The following DAB1 variants were observed in gnomAD, a reference collection of about 807,000 sequenced individuals.
DAB1 encodes the protein DAB adaptor protein 1.
In DAB1, 15 loss-of-function variants were observed where a neutral mutation model predicts 64.6. That is an observed-to-expected ratio of 0.23 (90% CI 0.16 to 0.36). The LOEUF (loss-of-function observed/expected upper bound fraction) is 0.36. Ranked by LOEUF, DAB1 falls within the 10% of genes least tolerant of loss-of-function variation. The pLI, the probability that DAB1 is intolerant of heterozygous loss-of-function variation, is 1.00. For missense variants in DAB1, 596 were observed against 706.7 expected, an observed-to-expected ratio of 0.84 and a Z score of 1.78; for synonymous variants, 235 against 251.9, an observed-to-expected ratio of 0.93 and a Z score of 0.64.
chr1:57,121,139 A>AAGT (rs1184654362), intron 4 of DAB1, among the ~76,000 whole-genome samples: 1 of 78,418 alleles, frequency 1.3e-5, no homozygotes, highest in Non-Finnish European at 2.8e-5. Context: ...AGAGAAGAAG[A>AAGT]AGGAGGAGGA....
At position 57,257,875 on chromosome 1, in the gene DAB1, C is replaced by G. The variant is rs1669884320; in HGVS notation, c.67+33089G>C. On this transcript the variant is annotated intron_variant, in intron 2 of 14. Coordinates refer to ENST00000371236, the MANE Select transcript of DAB1 (RefSeq NM_001365792.1). ...CCTTCCTCCTCTGTGTCAAATCTCC[C>G]TCAGCCATCCTCTTAAAAGAACACT... Among the ~76,000 whole-genome samples the G allele has an allele frequency of 3.3e-5, 5 of 152,212 alleles. No individual in the cohort carries two copies. In the South Asian group the frequency reaches 1.0e-3, roughly 32 times the overall value.
Position 58,073,909 on chromosome 1 carries a change from G to A in DAB1, n.387+76602C>T, listed in dbSNP as rs189769661. ...CTCTCTAAGGGAAGCAGAAGGCCCGGAACCCCTGGGGACATCCTCAGCTAT... is the reference window on the plus strand; with the variant it reads ...CTCTCTAAGGGAAGCAGAAGGCCCGAAACCCCTGGGGACATCCTCAGCTAT... On this transcript the variant is annotated intron_variant and non_coding_transcript_variant, in intron 5 of 20. Transcript: ENST00000485760. 6.6e-5 allele frequency among the ~76,000 whole-genome samples: 10 copies of A among 152,240 alleles called. No individual in the cohort carries two copies. The East Asian group carries it at 1.9e-3, about 29-fold the overall frequency.
intron 1 of DAB1, among the ~76,000 whole-genome samples, chr1:58,528,702 G>C (rs1286448926): frequency 6.6e-6 from 1 of 152,168 alleles, no homozygotes; most frequent in Non-Finnish European, 1.5e-5. Context: ...TGCTTTAAAT[G>C]TGTCATTCGG....
At chr1:57,564,433 G>A (rs1645091729) in intron 7 of DAB1, among the ~76,000 whole-genome samples, 1 of 152,186 alleles carries the variant, frequency 6.6e-6, no homozygotes, top group African/African-American at 2.4e-5. Context: ...AAAGCTGGAT[G>A]GAAAATGACT....
chr1:57,862,087 C>A (rs1445084852), intron 1 of DAB1, among the ~76,000 whole-genome samples: 3 of 152,104 alleles, frequency 2.0e-5, no homozygotes, highest in Admixed American at 6.5e-5. Context: ...AAGATTTCTA[C>A]CCTTTGGTCT....
At chr1:58,428,823 GT>G (rs1188167304) in intron 3 of DAB1, among the ~76,000 whole-genome samples, 1 of 152,044 alleles carries the variant, frequency 6.6e-6, no homozygotes, top group Non-Finnish European at 1.5e-5. Context: ...ATTTTTTAAG[GT>G]CTAGTTAAGT....
In DAB1 at chr1:57,598,833, G is replaced by T. The variant is rs549871188; in HGVS notation, n.625+50759C>A. Reference sequence around the variant, plus strand: ...GCAACAGAGCAGGTTTACATCCAGGGGCTCAGCAGCCTTTAGGAGCTGATA... The same window carrying T: ...GCAACAGAGCAGGTTTACATCCAGGTGCTCAGCAGCCTTTAGGAGCTGATA... On this transcript the variant is annotated intron_variant and non_coding_transcript_variant, in intron 7 of 20. Coordinates refer to the DAB1 transcript ENST00000485760. Among the ~76,000 whole-genome samples the T allele has an allele frequency of 3.9e-5, 6 of 152,206 alleles. No homozygotes were observed. In the South Asian group the frequency reaches 1.2e-3, roughly 32 times the overall value.
chr1:57,546,098 T>TGTGTGTGTGTGC (rs869270008), intron 7 of DAB1, among the ~76,000 whole-genome samples: 1 of 139,532 alleles, frequency 7.2e-6, no homozygotes, highest in Non-Finnish European at 1.5e-5. Flanking sequence ...TGTGTGTGTG[T>TGTGTGTGTGTGC]GCGCGCACGT....
intron 10 of DAB1, among the ~76,000 whole-genome samples, chr1:57,024,727 C>G (rs369256619): frequency 6.6e-6 from 1 of 152,164 alleles, no homozygotes; most frequent in African/African-American, 2.4e-5. Flanking sequence ...TCAGTTTGCT[C>G]ATCTGTAAAA....
chr1:57,331,332 A>T (rs1676651986), intron 1 of DAB1, among the ~76,000 whole-genome samples: 1 of 152,060 alleles, frequency 6.6e-6, no homozygotes, highest in African/African-American at 2.4e-5. Context: ...CTTATTAAAT[A>T]CTCTTATTAT....
intron 1 of DAB1, among the ~76,000 whole-genome samples, chr1:58,545,176 AAAGAAAG>A (rs1164911632): frequency 2.0e-5 from 3 of 152,164 alleles, no homozygotes; most frequent in Non-Finnish European, 2.9e-5. Context: ...CCCCACAGAA[AAAGAAAG>A]CTCTCATCTC....
chr1:57,449,132 C>T (rs1214634824), intron 7 of DAB1, among the ~76,000 whole-genome samples: 1 of 152,092 alleles, frequency 6.6e-6, no homozygotes, highest in Non-Finnish European at 1.5e-5. Flanking sequence ...TATAAAATGA[C>T]CCCATCTAAC....
At chr1:57,826,956 G>C (rs1387018345) in intron 1 of DAB1, among the ~76,000 whole-genome samples, 1 of 152,214 alleles carries the variant, frequency 6.6e-6, no homozygotes, top group Non-Finnish European at 1.5e-5. Flanking sequence ...AAAAGAAAAA[G>C]AGATGAAGAA....
rs1406432301 is a variant in DAB1 at position 58,492,793 on chromosome 1, A to G, written n.257+13267T>C. On this transcript the variant is annotated intron_variant and non_coding_transcript_variant, in intron 3 of 20. Coordinates refer to the DAB1 transcript ENST00000485760. Reference sequence around the variant, plus strand: ...TAATTAATAGCTTACCAACCAAAAAAAGTCCAGGACCAGATGGATTCACAG... The same window carrying G: ...TAATTAATAGCTTACCAACCAAAAAGAGTCCAGGACCAGATGGATTCACAG... Among the ~76,000 whole-genome samples, 12 of 152,256 alleles carry G rather than the reference A, an allele frequency of 7.9e-5. No homozygotes were observed. In the South Asian group the frequency reaches 1.7e-3, roughly 21 times the overall value.
intron 2 of DAB1, among the ~76,000 whole-genome samples, chr1:57,146,454 C>T (rs1659146885): frequency 1.3e-5 from 2 of 152,164 alleles, no homozygotes; most frequent in African/African-American, 2.4e-5. Flanking sequence ...CTTCATCATG[C>T]TTACTTCATC....
At chr1:57,594,203 C>T (rs189477435) in intron 7 of DAB1, among the ~76,000 whole-genome samples, 115 of 152,276 alleles carry the variant, frequency 7.6e-4, no homozygotes, top group African/African-American at 2.5e-3. Flanking sequence ...TATTCTTGTG[C>T]TCTACATATG....
chr1:57,437,693 C>G (rs988039202), intron 7 of DAB1, among the ~76,000 whole-genome samples: 1 of 152,168 alleles, frequency 6.6e-6, no homozygotes, highest in Non-Finnish European at 1.5e-5. Flanking sequence ...CCCCAGCCCC[C>G]ACAAGTGCAC....
chr1:57,468,776 T>C (rs1687041431), intron 7 of DAB1, among the ~76,000 whole-genome samples: 1 of 152,226 alleles, frequency 6.6e-6, no homozygotes, highest in African/African-American at 2.4e-5. Context: ...ATAAGCCAAT[T>C]CTGTCCCAAT....
In DAB1 at chr1:57,765,106, CA is replaced by C. The variant is rs1649252807; in HGVS notation, n.552-115442del. 2.6e-5 allele frequency among the ~76,000 whole-genome samples: 4 copies of C among 152,116 alleles called. No homozygotes were observed. In the South Asian group the frequency reaches 8.3e-4, roughly 31 times the overall value. The stretch of plus-strand genomic sequence containing the variant: ...CCAATGTTCACAGCACCACAGCAGA[CA>C]TTCAGAGGATGCTACACTGACAAAT... On this transcript the variant is annotated intron_variant and non_coding_transcript_variant, in intron 6 of 20. Coordinates refer to the DAB1 transcript ENST00000485760.
Sources: gnomAD v4.1 joint callset for allele counts (sites outside exome capture counted in the v4.1 genomes callset) on GRCh38, gnomAD v4.1.1 for gene constraint, MANE v1.5 for transcripts, NCBI Gene and HGNC (gene_info 2026-07-23, HGNC 2026-07-21) for gene names.